Variants in CACNA1D observed in about 807,000 individuals in gnomAD.
The protein encoded by CACNA1D is calcium voltage-gated channel subunit alpha1 D.
CACNA1D carries 55 observed loss-of-function variants against 257.1 expected under a neutral mutation model. That is an observed-to-expected ratio of 0.21 (90% CI 0.17 to 0.27). CACNA1D has a LOEUF of 0.27. Ranked by LOEUF, CACNA1D falls within the 10% of genes least tolerant of loss-of-function variation. The pLI is 1.00. For synonymous variants in CACNA1D, 980 were observed against 1,014.9 expected (o/e 0.97, Z 0.65); for missense variants, 1,876 against 2,784.0 (o/e 0.67, Z 7.34).
At chr3:53,509,864 T>C (rs2091034150) in intron 3 of CACNA1D, among the ~76,000 whole-genome samples, 1 of 152,212 alleles carries the variant, frequency 6.6e-6, no homozygotes, top group South Asian at 2.1e-4. Context: ...GACTCACAGA[T>C]ACTTTTTTAC....
intron 8 of CACNA1D, among the ~76,000 whole-genome samples, chr3:53,693,092 C>T (rs1225009348): frequency 1.3e-5 from 2 of 152,190 alleles, no homozygotes; most frequent in Non-Finnish European, 2.9e-5. Flanking sequence ...TTTTCTTCAA[C>T]ATATTTTACT....
At chr3:53,567,711 T>C (rs776643599) in intron 3 of CACNA1D, among the ~76,000 whole-genome samples, 5 of 152,248 alleles carry the variant, frequency 3.3e-5, no homozygotes, top group Non-Finnish European at 7.3e-5. Context: ...TTTCAGAATA[T>C]TTTCATTAAT....
At chr3:53,767,162 T>C (rs2095337608) in intron 30 of CACNA1D, among the ~76,000 whole-genome samples, 4 of 152,166 alleles carry the variant, frequency 2.6e-5, no homozygotes, top group African/African-American at 9.7e-5. Flanking sequence ...CTAAAGGGCA[T>C]TAGCTGGTAT....
At chr3:53,705,027 T>C (rs1309847667) in intron 9 of CACNA1D, among the ~76,000 whole-genome samples, 2 of 152,240 alleles carry the variant, frequency 1.3e-5, no homozygotes, top group Admixed American at 1.3e-4. Context: ...GCATTTCCTA[T>C]GACCTATCAC....
intron 5 of CACNA1D, among the ~76,000 whole-genome samples, chr3:53,664,474 C>T (rs2094239431): frequency 6.6e-6 from 1 of 152,224 alleles, no homozygotes; most frequent in African/African-American, 2.4e-5. Flanking sequence ...AGTTTGGCTT[C>T]ATGACCTGGA....
chr3:53,534,513 G>A (rs528486730), intron 3 of CACNA1D, among the ~76,000 whole-genome samples: 10 of 152,272 alleles, frequency 6.6e-5, no homozygotes, highest in Non-Finnish European at 1.2e-4. Flanking sequence ...GGTGCCTGCA[G>A]CCTCTGGAAC....
intron 36 of CACNA1D, 41 bp from the exon 37 acceptor site, chr3:53,776,819 C>G (rs910475467): frequency 3.1e-6 from 5 of 1,611,890 alleles, no homozygotes; most frequent in Non-Finnish European, 4.2e-6. Context: ...TTCGGGCCAG[C>G]TGGTACTGTT....
At position 53,495,688 on chromosome 3, in the gene CACNA1D, C is replaced by G. The variant is rs116092914; in HGVS notation, c.67+455C>G. 1.3e-5 allele frequency among the ~76,000 whole-genome samples: 2 copies of G among 152,246 alleles called. No individual in the cohort carries two copies. The highest frequency in any genetic ancestry group is 4.1e-4 in the South Asian group (2 of 4,830). ...GCATCCGGAAAATTCTAGGATTGCC[C>G]GGTTTCGCCCTCCGCGCCGGTGGGT... is the stretch of plus-strand genomic sequence containing the variant. On this transcript the variant is annotated intron_variant, in intron 1 of 47. Coordinates refer to ENST00000350061, the MANE Select transcript of CACNA1D (RefSeq NM_001128840.3). This position sits in a 1 kb window ranked among gnomAD's most constrained non-coding sequence, Gnocchi z 5.1.
At chr3:53,698,863 T>A (rs1255420303) in intron 8 of CACNA1D, among the ~76,000 whole-genome samples, 1 of 150,534 alleles carries the variant, frequency 6.6e-6, no homozygotes, top group Non-Finnish European at 1.5e-5. Flanking sequence ...AGACACACCA[T>A]AACCAAAATT....
rs1239128791 is a variant in CACNA1D, at chr3:53,751,941, G to A, written c.3675+34G>A. 7.5e-6 allele frequency: 12 copies of A among 1,608,964 alleles called. No individual in the cohort carries two copies. The highest frequency in any genetic ancestry group is 1.7e-5 in the Admixed American group (1 of 59,982). The stretch of plus-strand genomic sequence containing the variant: ...GGAGACAGCCGTGGGGATCAGGTCC[G>A]GGCATTCCGCACAGCCCCGTGCCCC... On this transcript the variant is annotated intron_variant, in intron 28 of 47. Transcript: ENST00000350061. The surrounding 1 kb of genome is among the most constrained non-coding windows in gnomAD (Gnocchi z 4.3).
At chr3:53,753,727 C>A in intron 29 of CACNA1D, 45 bp downstream of exon 29, 1 of 1,116,496 alleles carries the variant, frequency 9.0e-7, no homozygotes, top group Non-Finnish European at 1.4e-6. Context: ...CTGAGTCACC[C>A]TAGAGAAGTA....
At chr3:53,770,088 A>G (rs1038318221) in intron 31 of CACNA1D, 71 bp downstream of exon 31, 1 of 1,274,258 alleles carries the variant, frequency 7.8e-7, no homozygotes, top group Non-Finnish European at 1.1e-6. Flanking sequence ...CGAGTTTTCC[A>G]CTGGTTTTTC....
chr3:53,564,574 A>G (rs2092800278), intron 3 of CACNA1D, among the ~76,000 whole-genome samples: 2 of 152,050 alleles, frequency 1.3e-5, no homozygotes, highest in Admixed American at 6.5e-5. Flanking sequence ...GTGTCTTTGG[A>G]TAAACAGAAG....
At chr3:53,808,921 A>C (rs890090550) in intron 46 of CACNA1D, 151 bp downstream of exon 46, 18 of 796,336 alleles carry the variant, frequency 2.3e-5, no homozygotes, top group Non-Finnish European at 3.6e-5. Context: ...CAATCCTGTC[A>C]AATAGCTATG....
chr3:53,690,590 C>G (rs1198346534), intron 8 of CACNA1D, among the ~76,000 whole-genome samples: 1 of 152,196 alleles, frequency 6.6e-6, no homozygotes, highest in Non-Finnish European at 1.5e-5. Flanking sequence ...TGGGCACTCC[C>G]CCTGCGGGGG....
At chr3:53,770,293 T>G (rs536396731) in intron 31 of CACNA1D, 131 bp from the exon 32 acceptor site, 3 of 940,806 alleles carry the variant, frequency 3.2e-6, no homozygotes, top group African/African-American at 1.6e-5. Flanking sequence ...TCATGCTTTT[T>G]AAGATGAAAA....
intron 3 of CACNA1D, among the ~76,000 whole-genome samples, chr3:53,551,803 C>T (rs2092540409): frequency 6.6e-6 from 1 of 152,224 alleles, no homozygotes; most frequent in South Asian, 2.1e-4. Flanking sequence ...ACTGGCCGTG[C>T]CTCCTCCTCG....
At chr3:53,784,268 C>G (rs1279181168) in intron 39 of CACNA1D, among the ~76,000 whole-genome samples, 2 of 152,204 alleles carry the variant, frequency 1.3e-5, no homozygotes, top group African/African-American at 4.8e-5. Context: ...CAGAAGCTCT[C>G]TCTCCTCCCC....
Position 53,731,774 on chromosome 3 carries a change from C to T in CACNA1D, c.2407-242C>T, listed in dbSNP as rs370846371. On this transcript the variant is annotated intron_variant, in intron 17 of 47. Coordinates refer to ENST00000350061, the MANE Select transcript of CACNA1D (RefSeq NM_001128840.3). ...TGCTGGCACAGGGCAAGGACAGAGC[C>T]CTGAATGGTGCTGGCTAACCACGAC... 4.5e-4 allele frequency among the ~76,000 whole-genome samples: 69 copies of T among 152,326 alleles called. No individual in the cohort carries two copies. The East Asian group carries it at 7.9e-3, about 17-fold the overall frequency.
Sources: gnomAD v4.1 joint callset for allele counts (sites outside exome capture counted in the v4.1 genomes callset) on GRCh38, gnomAD v4.1.1 for gene constraint, Gnocchi (gnomAD v3.1) non-coding constraint, MANE v1.5 for transcripts, NCBI Gene and HGNC (gene_info 2026-07-23, HGNC 2026-07-21) for gene names.